KPNA5: variants seen among roughly 807,000 people sequenced by gnomAD.
The protein encoded by KPNA5 is importin subunit alpha-6.
KPNA5 carries 46 observed loss-of-function variants against 71.3 expected under a neutral mutation model. That is an observed-to-expected ratio of 0.65 (90% CI 0.51 to 0.83). KPNA5 has a LOEUF of 0.83. Among genes scored for constraint, KPNA5 ranks in the 40% least tolerant of loss-of-function variants. The probability of loss-of-function intolerance (pLI) is 0.00; values close to 1 mark genes in which losing one functional copy is unlikely to be tolerated. For missense variants in KPNA5, 547 were observed against 628.3 expected (o/e 0.87, Z 1.38); for synonymous variants, 207 against 201.4 (o/e 1.03, Z -0.24).
intron 7 of KPNA5, among the ~76,000 whole-genome samples, chr6:116,714,075 C>G (rs1241879236): frequency 1.3e-5 from 2 of 152,112 alleles, no homozygotes; most frequent in South Asian, 4.1e-4. Context: ...ATATATTTCA[C>G]TGTTAATGGA....
chr6:116,732,232 A>G lies in KPNA5; in HGVS notation c.1529A>G (p.Asp510Gly). The change falls in exon 14 of 14, where the codon GAT (aspartate) becomes GGT (glycine). Residue 510 changes from aspartate to glycine, a missense_variant. Physicochemically the swap from Asp to Gly is moderately conservative, Grantham distance 94. Coordinates refer to ENST00000368564, the MANE Select transcript of KPNA5 (RefSeq NM_001366306.2). Reference protein sequence around the residue: ...LIEHYFGVEEDDPSIVPQVDE... With the variant: ...LIEHYFGVEEGDPSIVPQVDE... ...GAACATTACTTTGGTGTAGAAGAAG[A>G]TGACCCCAGCATTGTACCTCAGGTG... 1 of 1,595,644 alleles carries G rather than the reference A, an allele frequency of 6.3e-7. No homozygotes were observed.
intron 4 of KPNA5, among the ~76,000 whole-genome samples, chr6:116,694,615 T>G (rs1334452265): frequency 6.6e-6 from 1 of 152,224 alleles, no homozygotes; most frequent in Non-Finnish European, 1.5e-5. Flanking sequence ...TGAATTTGCT[T>G]ATCAGCTTAA....
chr6:116,691,737 G>A (rs1232308970), intron 2 of KPNA5, among the ~76,000 whole-genome samples: 1 of 152,106 alleles, frequency 6.6e-6, no homozygotes, highest in Non-Finnish European at 1.5e-5. Flanking sequence ...TCATAATCCA[G>A]TGTGTAAATA....
At chr6:116,728,639 A>G (rs772780774) in intron 12 of KPNA5, among the ~76,000 whole-genome samples, 1 of 152,076 alleles carries the variant, frequency 6.6e-6, no homozygotes. Flanking sequence ...TGGTGAAGGT[A>G]TATACATCTT....
Position 116,706,939 on chromosome 6 carries a change from TG to T in KPNA5, c.656+1782del, listed in dbSNP as rs573415344. Among the ~76,000 whole-genome samples, 388 of 151,878 alleles carry T rather than the reference TG, an allele frequency of 2.6e-3. 3 individuals carry two copies. The highest frequency in any genetic ancestry group is 8.5e-3 in the African/African-American group (353 of 41,438). On this transcript the variant is annotated intron_variant, in intron 7 of 13. Coordinates refer to ENST00000368564, the MANE Select transcript of KPNA5 (RefSeq NM_001366306.2). ...AGCACTTTGGGGAGGCCGAGTTGGG[TG>T]GGTCATGAGGTCAGGAGATCGAGAC... is the stretch of plus-strand genomic sequence containing the variant.
chr6:116,693,090 G>A (rs13206059), intron 4 of KPNA5, among the ~76,000 whole-genome samples: 4 of 152,060 alleles, frequency 2.6e-5, no homozygotes, highest in African/African-American at 7.2e-5. Flanking sequence ...GCTGCATAGT[G>A]TTCCATGGTG....
At position 116,698,730 on chromosome 6, in the gene KPNA5, A is replaced by G. The variant is rs768067975; in HGVS notation, c.367A>G (p.Ile123Val). The part of the protein sequence containing the change: ...KEPNPPIDQV[I>V]QKPGVVQRFV... ...ACCTAATCCACCAATAGATCAAGTT[A>G]TACAGAAACCAGGAGTTGTACAGAG... is the stretch of plus-strand genomic sequence containing the variant. The change falls in exon 5 of 14, where the codon ATA becomes GTA. Residue 123 changes from isoleucine to valine, a missense_variant. By Grantham distance (29) the Ile-to-Val change is conservative. Coordinates refer to ENST00000368564, the MANE Select transcript of KPNA5 (RefSeq NM_001366306.2). The G allele has an allele frequency of 9.4e-6, 15 of 1,597,124 alleles. No homozygotes were observed. The highest frequency in any genetic ancestry group is 1.2e-5 in the Non-Finnish European group (14 of 1,172,034).
At chr6:116,695,454 C>T (rs1408896364) in intron 4 of KPNA5, among the ~76,000 whole-genome samples, 2 of 151,800 alleles carry the variant, frequency 1.3e-5, no homozygotes, top group African/African-American at 4.8e-5. Flanking sequence ...TTATTGAACT[C>T]GTAATTCTAA....
Position 116,734,074 on chromosome 6 carries a change from T to C in KPNA5, c.*1751T>C, listed in dbSNP as rs981687442. 7 of 151,654 alleles carry C rather than the reference T, an allele frequency of 4.6e-5. No homozygotes were observed. Among genetic ancestry groups the C allele is most frequent in the Non-Finnish European group, 7.4e-5 (5 of 67,698 alleles). 9.4% of individuals were successfully genotyped at this position (151,654 alleles called of 1,614,324 possible). ...TCGTAGTGGAAGGTATATAGCCGAG[T>C]ATAAAATGGTTTTCTTTTGCATTAT... is the stretch of plus-strand genomic sequence containing the variant. On this transcript the variant is annotated 3_prime_UTR_variant, in exon 14 of 14. Transcript: ENST00000368564.
intron 1 of KPNA5, among the ~76,000 whole-genome samples, chr6:116,681,821 A>G (rs1777370715): frequency 1.3e-5 from 2 of 151,848 alleles, no homozygotes; most frequent in African/African-American, 2.4e-5. Context: ...AGGTGCCTCT[A>G]GTGCTCATTC....
At chr6:116,695,007 A>G (rs1038730947) in intron 4 of KPNA5, among the ~76,000 whole-genome samples, 2 of 151,980 alleles carry the variant, frequency 1.3e-5, no homozygotes, top group African/African-American at 4.8e-5. Flanking sequence ...CTGGAGTGCA[A>G]TAGCAGAATC....
In KPNA5 at chr6:116,741,341, A is replaced by T. The variant is rs1779866379; in HGVS notation, c.*9018A>T. 7.1e-6 allele frequency: 1 copy of T among 141,702 alleles called. No individual in the cohort carries two copies. Among genetic ancestry groups the T allele is most frequent in the Non-Finnish European group, 1.5e-5 (1 of 65,020 alleles). 8.8% of individuals were successfully genotyped at this position (141,702 alleles called of 1,614,324 possible). On this transcript the variant is annotated 3_prime_UTR_variant, in exon 14 of 14. Coordinates refer to ENST00000368564, the MANE Select transcript of KPNA5 (RefSeq NM_001366306.2). ...TTTTTTACATTATTTTGTGCATAGA[A>T]ATTTAGAATTACATCTTTTTTTTTA...
At chr6:116,684,557 G>T (rs1034205331) in intron 1 of KPNA5, among the ~76,000 whole-genome samples, 7 of 152,072 alleles carry the variant, frequency 4.6e-5, no homozygotes, top group Non-Finnish European at 1.0e-4. Context: ...CCTTTCCTTT[G>T]CAGGACTCTT....
intron 12 of KPNA5, among the ~76,000 whole-genome samples, 177 bp downstream of exon 12, chr6:116,726,799 G>T (rs550118441): frequency 1.3e-5 from 2 of 151,636 alleles, no homozygotes; most frequent in Non-Finnish European, 2.9e-5. Flanking sequence ...CCCATTTAAC[G>T]TGTAATTAAC....
chr6:116,683,259 A>G (rs772846564), intron 1 of KPNA5, among the ~76,000 whole-genome samples: 2 of 152,248 alleles, frequency 1.3e-5, no homozygotes, highest in Non-Finnish European at 2.9e-5. Context: ...AGAAATAAAT[A>G]TATTGAGGAT....
chr6:116,700,531 A>G (rs1002460738), intron 5 of KPNA5, among the ~76,000 whole-genome samples: 2 of 152,154 alleles, frequency 1.3e-5, no homozygotes, highest in African/African-American at 4.8e-5. Flanking sequence ...CTGTAATTAA[A>G]AACTATAGAA....
intron 12 of KPNA5, 30 bp from the exon 13 acceptor site, chr6:116,729,533 C>T (rs1201124960): frequency 3.0e-6 from 4 of 1,347,004 alleles, no homozygotes; most frequent in Admixed American, 2.8e-5. Flanking sequence ...CTTTTTTTCC[C>T]TGTTTCTTCT....
intron 4 of KPNA5, 34 bp from the exon 5 acceptor site, chr6:116,698,670 C>G: frequency 7.9e-7 from 1 of 1,261,114 alleles, no homozygotes; most frequent in South Asian, 1.3e-5. Context: ...CTTTTTGTGT[C>G]TTTGTAATAA....
At position 116,717,604 on chromosome 6, in the gene KPNA5, T is replaced by C. The variant is rs147478108; in HGVS notation, c.756+1286T>C. Among the ~76,000 whole-genome samples the C allele has an allele frequency of 1.4e-4, 21 of 152,276 alleles. No homozygotes were observed. The East Asian group carries it at 4.1e-3, about 29-fold the overall frequency. ...GTAGAAAAAGAGACCAAGGCAAGTT[T>C]CAGAGCAGGAGTGGAAGTTTATTTA... is the stretch of plus-strand genomic sequence containing the variant. On this transcript the variant is annotated intron_variant, in intron 8 of 13. Transcript: ENST00000368564.
Sources: allele counts gnomAD v4.1 joint callset (sites outside exome capture counted in the v4.1 genomes callset), GRCh38; gene constraint gnomAD v4.1.1; transcripts MANE v1.5; gene names NCBI Gene and HGNC (gene_info 2026-07-23, HGNC 2026-07-21).